Variants in GPC5 observed in about 807,000 individuals in gnomAD.
GPC5 encodes glypican-5.
GPC5 carries 47 observed loss-of-function variants against 53.9 expected under a neutral mutation model. That is an observed-to-expected ratio of 0.87 (90% confidence interval 0.69 to 1.11). The LOEUF (loss-of-function observed/expected upper bound fraction) is 1.11. Among genes scored for constraint, GPC5 ranks in the 50% most tolerant of loss-of-function variants. The probability of loss-of-function intolerance (pLI) is 0.00; values close to 1 mark genes in which losing one functional copy is unlikely to be tolerated. For synonymous variants in GPC5, 286 were observed against 263.3 expected, an observed-to-expected ratio of 1.09 and a Z score of -0.84; for missense variants, 748 against 713.1, an observed-to-expected ratio of 1.05 and a Z score of -0.56.
chr13:92,176,808 T>C (rs1032348520), intron 7 of GPC5, among the ~76,000 whole-genome samples: 2 of 152,158 alleles, frequency 1.3e-5, no homozygotes, highest in East Asian at 3.9e-4. Context: ...CAGGCACCAC[T>C]TTACCTTTAC....
intron 1 of GPC5, among the ~76,000 whole-genome samples, chr13:91,412,412 C>T (rs567575029): frequency 6.6e-6 from 1 of 152,302 alleles, no homozygotes; most frequent in East Asian, 1.9e-4. Context: ...GAATACATAA[C>T]TTCTGTACAA....
intron 7 of GPC5, among the ~76,000 whole-genome samples, chr13:92,782,428 T>C (rs1435051213): frequency 6.6e-6 from 1 of 152,072 alleles, no homozygotes; most frequent in East Asian, 1.9e-4. Context: ...GATATGATCA[T>C]GAGAACAAGG....
chr13:91,419,075 T>A (rs1160466739), intron 1 of GPC5, among the ~76,000 whole-genome samples: 3 of 152,108 alleles, frequency 2.0e-5, no homozygotes, highest in Non-Finnish European at 4.4e-5. Context: ...CTGGTTAATA[T>A]ATTCTTATGC....
At chr13:91,877,032 G>A (rs980518074) in intron 5 of GPC5, among the ~76,000 whole-genome samples, 1 of 152,202 alleles carries the variant, frequency 6.6e-6, no homozygotes, top group African/African-American at 2.4e-5. Flanking sequence ...GCAGCTTCCA[G>A]ATGTTGAGCC....
At chr13:91,920,402 G>C (rs1225716915) in intron 6 of GPC5, among the ~76,000 whole-genome samples, 1 of 152,152 alleles carries the variant, frequency 6.6e-6, no homozygotes, top group Non-Finnish European at 1.5e-5. Flanking sequence ...TGAGACATTT[G>C]AATTTCATTT....
At chr13:91,847,234 A>AAG (rs1015526309) in intron 5 of GPC5, among the ~76,000 whole-genome samples, 2 of 151,790 alleles carry the variant, frequency 1.3e-5, no homozygotes, top group African/African-American at 4.8e-5. Flanking sequence ...AAAAAAAAAA[A>AAG]AAAAGAAATG....
At chr13:92,831,024 T>C (rs1566436515) in intron 7 of GPC5, among the ~76,000 whole-genome samples, 1 of 152,280 alleles carries the variant, frequency 6.6e-6, no homozygotes, top group East Asian at 1.9e-4. Flanking sequence ...CAGTAACTTG[T>C]TTGCTCTAGG....
At chr13:92,860,896 T>C (rs1879157361) in intron 7 of GPC5, among the ~76,000 whole-genome samples, 1 of 152,210 alleles carries the variant, frequency 6.6e-6, no homozygotes, top group South Asian at 2.1e-4. Context: ...TATTTAGTAA[T>C]TTTATGCCCT....
At chr13:92,200,974 G>A (rs1204932329) in intron 7 of GPC5, among the ~76,000 whole-genome samples, 1 of 146,918 alleles carries the variant, frequency 6.8e-6, no homozygotes, top group Non-Finnish European at 1.5e-5. Flanking sequence ...CAGGCACTCA[G>A]ACACACACAC....
chr13:91,925,862 A>C (rs1415745640), intron 6 of GPC5, among the ~76,000 whole-genome samples: 2 of 152,210 alleles, frequency 1.3e-5, no homozygotes, highest in Non-Finnish European at 2.9e-5. Context: ...AGACATTCCG[A>C]TTTGAGATGG....
At chr13:92,261,116 T>C (rs2042763915) in intron 7 of GPC5, among the ~76,000 whole-genome samples, 1 of 152,192 alleles carries the variant, frequency 6.6e-6, no homozygotes, top group Non-Finnish European at 1.5e-5. Flanking sequence ...AATTAGAAAG[T>C]CATTAAATTA....
chr13:91,684,199 A>G (rs926416093), intron 2 of GPC5, among the ~76,000 whole-genome samples: 10 of 150,410 alleles, frequency 6.6e-5, no homozygotes, highest in Non-Finnish European at 7.4e-5. Context: ...AAATTTCTCC[A>G]CTCTTCCCTA....
At chr13:91,748,488 C>A (rs2037099702) in intron 4 of GPC5, among the ~76,000 whole-genome samples, 1 of 152,196 alleles carries the variant, frequency 6.6e-6, no homozygotes, top group Non-Finnish European at 1.5e-5. Flanking sequence ...GTAGGAGCTT[C>A]TAATTCTAGA....
At chr13:92,393,852 G>A (rs775564441) in intron 7 of GPC5, among the ~76,000 whole-genome samples, 21 of 152,066 alleles carry the variant, frequency 1.4e-4, no homozygotes, top group Admixed American at 2.6e-4. Flanking sequence ...CATGTACACC[G>A]AAACCTAAAA....
At chr13:92,575,494 T>C (rs956052356) in intron 7 of GPC5, among the ~76,000 whole-genome samples, 3 of 152,128 alleles carry the variant, frequency 2.0e-5, no homozygotes, top group African/African-American at 7.2e-5. Context: ...AACCTGGCCC[T>C]GCCAACACCT....
At chr13:92,099,998 G>A (rs759140252) in intron 6 of GPC5, among the ~76,000 whole-genome samples, 9 of 152,144 alleles carry the variant, frequency 5.9e-5, no homozygotes, top group Non-Finnish European at 1.0e-4. Context: ...CAGCTGTGTC[G>A]TGAAATGCCT....
chr13:92,785,709 A>T (rs570558562), intron 7 of GPC5, among the ~76,000 whole-genome samples: 245 of 152,166 alleles, frequency 1.6e-3, no homozygotes, highest in Non-Finnish European at 2.9e-3. Flanking sequence ...AGCGTCTAGG[A>T]TATGGTGGCT....
intron 7 of GPC5, among the ~76,000 whole-genome samples, chr13:92,369,671 A>G (rs555160591): frequency 1.8e-4 from 27 of 152,338 alleles, no homozygotes; most frequent in African/African-American, 6.0e-4. Context: ...AATAAGTGGT[A>G]ATGACACCAA....
chr13:92,563,643 G>T (rs1882769341), intron 7 of GPC5, among the ~76,000 whole-genome samples: 1 of 152,014 alleles, frequency 6.6e-6, no homozygotes, highest in African/African-American at 2.4e-5. Context: ...GATAGAAGAT[G>T]TATTCTGGAT....
Sources: allele counts gnomAD v4.1 joint callset (sites outside exome capture counted in the v4.1 genomes callset), GRCh38; gene constraint gnomAD v4.1.1; transcripts MANE v1.5; gene names NCBI Gene and HGNC (gene_info 2026-07-23, HGNC 2026-07-21).